RORB: variants seen among roughly 807,000 people sequenced by gnomAD.
RORB encodes the protein RAR related orphan receptor B.
In RORB, 6 loss-of-function variants were observed where a neutral mutation model predicts 59.1. That is an observed-to-expected ratio of 0.10 (90% CI 0.06 to 0.20). RORB has a LOEUF of 0.20. Among genes scored for constraint, RORB ranks in the 10% least tolerant of loss-of-function variants. The pLI is 1.00. For missense variants in RORB, 320 were observed against 560.5 expected, an observed-to-expected ratio of 0.57 and a Z score of 4.33; for synonymous variants, 215 against 204.5, an observed-to-expected ratio of 1.05 and a Z score of -0.44.
intron 4 of RORB, among the ~76,000 whole-genome samples, chr9:74,646,164 C>G (rs1823895138): frequency 6.6e-6 from 1 of 152,048 alleles, no homozygotes; most frequent in Non-Finnish European, 1.5e-5. Flanking sequence ...CCCTTGGCTA[C>G]CAGAAGTCCT....
chr9:74,609,944 GAAAA>G (rs1011919645), intron 1 of RORB, among the ~76,000 whole-genome samples: 2 of 152,046 alleles, frequency 1.3e-5, no homozygotes, highest in African/African-American at 4.8e-5. Context: ...CAGCTCCAGA[GAAAA>G]AAAGAATTAT....
intron 1 of RORB, among the ~76,000 whole-genome samples, chr9:74,542,535 G>A (rs1215946092): frequency 1.1e-4 from 16 of 151,872 alleles, no homozygotes; most frequent in Admixed American, 7.9e-4. Flanking sequence ...GAAGATGAAG[G>A]TCTACCATAA....
intron 9 of RORB, among the ~76,000 whole-genome samples, chr9:74,679,859 A>G (rs1824515287): frequency 6.6e-6 from 1 of 152,188 alleles, no homozygotes; most frequent in South Asian, 2.1e-4. Context: ...GCACTTTGGG[A>G]GGCCGAGGCA....
At chr9:74,573,801 C>T (rs903829751) in intron 1 of RORB, among the ~76,000 whole-genome samples, 51 of 152,198 alleles carry the variant, frequency 3.4e-4, no homozygotes, top group African/African-American at 1.1e-3. Flanking sequence ...GGAAGGGAGA[C>T]GGAATTTCTG....
rs1306475037 is a variant in RORB, at chr9:74,630,381, A to G, written c.93+14A>G. 20 of 1,604,844 alleles carry G rather than the reference A, an allele frequency of 1.2e-5. No homozygotes were observed. The highest frequency in any genetic ancestry group is 1.7e-5 in the Non-Finnish European group (20 of 1,173,554). On this transcript the variant is annotated intron_variant, in intron 2 of 9. Transcript: ENST00000376896. The stretch of plus-strand genomic sequence containing the variant: ...GAAGGCTGCAAGGTATGGGACTTTC[A>G]TACAGCACGGTTCTGTATTTGCCTC...
At chr9:74,662,343 T>C (rs1029238914) in intron 5 of RORB, 131 bp from the exon 6 acceptor site, 75 of 876,276 alleles carry the variant, frequency 8.6e-5, no homozygotes, top group Middle Eastern at 3.6e-4. Flanking sequence ...CCTCCTTTTT[T>C]AAAGGAATCA....
At chr9:74,589,388 C>T (rs1822853533) in intron 1 of RORB, among the ~76,000 whole-genome samples, 1 of 152,056 alleles carries the variant, frequency 6.6e-6, no homozygotes, top group African/African-American at 2.4e-5. Flanking sequence ...AACCATGGAC[C>T]CAAATTTTCT....
At chr9:74,556,841 C>A (rs1321722020) in intron 1 of RORB, among the ~76,000 whole-genome samples, 4 of 152,064 alleles carry the variant, frequency 2.6e-5, no homozygotes, top group African/African-American at 9.7e-5. Flanking sequence ...ATTTTCACAC[C>A]ATCCTGCTAT....
chr9:74,623,032 C>A (rs538617674), intron 1 of RORB, among the ~76,000 whole-genome samples: 1 of 152,314 alleles, frequency 6.6e-6, no homozygotes, highest in Non-Finnish European at 1.5e-5. Flanking sequence ...GACAGGACAG[C>A]TTTTCACATG....
chr9:74,547,043 G>A (rs1346248572), intron 1 of RORB, among the ~76,000 whole-genome samples: 10 of 152,132 alleles, frequency 6.6e-5, no homozygotes, highest in East Asian at 3.9e-4. Flanking sequence ...GCAGTGAGCC[G>A]AGGTCACACC....
chr9:74,500,974 CTT>C (rs1160980793), intron 1 of RORB, among the ~76,000 whole-genome samples: 5 of 152,158 alleles, frequency 3.3e-5, no homozygotes, highest in Admixed American at 2.6e-4. Context: ...AAAGGAATAA[CTT>C]CTGAAGGCGA....
At chr9:74,650,253 C>T (rs186161639) in intron 4 of RORB, among the ~76,000 whole-genome samples, 34 of 152,286 alleles carry the variant, frequency 2.2e-4, no homozygotes, top group Non-Finnish European at 3.7e-4. Flanking sequence ...AGAAGCCATA[C>T]GTTTAAGGCA....
At chr9:74,548,125 G>A (rs1279241269) in intron 1 of RORB, among the ~76,000 whole-genome samples, 3 of 152,160 alleles carry the variant, frequency 2.0e-5, no homozygotes, top group Admixed American at 2.0e-4. Flanking sequence ...ATGTTTTTTA[G>A]CAAGAGCAGC....
intron 1 of RORB, among the ~76,000 whole-genome samples, chr9:74,601,129 A>G (rs1322537094): frequency 1.3e-5 from 2 of 152,060 alleles, no homozygotes; most frequent in African/African-American, 4.8e-5. Flanking sequence ...TTTTGAAATA[A>G]TTATACTCTT....
At chr9:74,564,947 T>C (rs145047673) in intron 1 of RORB, among the ~76,000 whole-genome samples, 1 of 152,314 alleles carries the variant, frequency 6.6e-6, no homozygotes, top group African/African-American at 2.4e-5. Flanking sequence ...TCTTTCTGCT[T>C]ACAACTTCTC....
rs201941714 is a variant in RORB at position 74,590,769 on chromosome 9, T to TTTTTGTTTTG, written c.8-39493_8-39484dup. 2.4e-3 allele frequency among the ~76,000 whole-genome samples: 368 copies of TTTTTGTTTTG among 152,208 alleles called. 2 individuals carry two copies. Among genetic ancestry groups the TTTTTGTTTTG allele is most frequent in the African/African-American group, 8.0e-3 (333 of 41,536 alleles). On this transcript the variant is annotated intron_variant, in intron 1 of 9. Coordinates refer to ENST00000376896, the MANE Select transcript of RORB (RefSeq NM_006914.4). ...ACTTCAAAAATCTTCCTAATCTGTTTTTTTGTTTTGTTTTGTTTTGTTTTG... is the reference window on the plus strand; with the variant it reads ...ACTTCAAAAATCTTCCTAATCTGTTTTTTTGTTTTGTTTTGTTTTGTTTTGTTTTGTTTTG...
Position 74,618,802 on chromosome 9 carries a change from T to C in RORB, c.8-11480T>C, listed in dbSNP as rs913093785. Reference sequence around the variant, plus strand: ...GGGGGTGGAAGGCCAAAGGTTATTGTCCCAACCTTTGATTTGTCTGACTCC... The same window carrying C: ...GGGGGTGGAAGGCCAAAGGTTATTGCCCCAACCTTTGATTTGTCTGACTCC... On this transcript the variant is annotated intron_variant, in intron 1 of 9. Transcript: ENST00000376896. Among the ~76,000 whole-genome samples the C allele has an allele frequency of 3.9e-5, 6 of 152,262 alleles. No individual in the cohort carries two copies. In the East Asian group the frequency reaches 1.2e-3, roughly 29 times the overall value.
At chr9:74,663,151 C>T (rs1292200444) in intron 6 of RORB, among the ~76,000 whole-genome samples, 1 of 152,072 alleles carries the variant, frequency 6.6e-6, no homozygotes, top group African/African-American at 2.4e-5. Flanking sequence ...ACTGACTTTG[C>T]GGATGTTATT....
At position 74,689,550 on chromosome 9, in the gene RORB, T is replaced by C. The variant is rs1410210198; in HGVS notation, c.*3932T>C. 1 of 152,218 alleles carries C rather than the reference T, an allele frequency of 6.6e-6. No individual in the cohort carries two copies. The highest frequency in any genetic ancestry group is 1.5e-5 in the Non-Finnish European group (1 of 68,038). 9.4% of individuals were successfully genotyped at this position (152,218 alleles called of 1,614,324 possible). On this transcript the variant is annotated 3_prime_UTR_variant, in exon 10 of 10. Coordinates refer to ENST00000376896, the MANE Select transcript of RORB (RefSeq NM_006914.4). ...TCTGAGTAGGTAAAATCAGAGAATA[T>C]AACGATCTCCTGAGTGATTAGATTT...
Sources: gnomAD v4.1 joint callset for allele counts (sites outside exome capture counted in the v4.1 genomes callset) on GRCh38, gnomAD v4.1.1 for gene constraint, MANE v1.5 for transcripts, NCBI Gene and HGNC (gene_info 2026-07-23, HGNC 2026-07-21) for gene names.